Variants in KAT6B observed in about 807,000 individuals in gnomAD.
KAT6B encodes the protein lysine acetyltransferase 6B.
A neutral mutation model predicts 187.5 loss-of-function variants in KAT6B; 10 were observed. The observed-to-expected ratio is 0.05, with a 90% CI of 0.03 to 0.09. The LOEUF is 0.09. Ranked by LOEUF, KAT6B falls within the 10% of genes least tolerant of loss-of-function variation. The pLI, the probability that KAT6B is intolerant of heterozygous loss-of-function variation, is 1.00. For synonymous variants in KAT6B, 861 were observed against 926.8 expected, an observed-to-expected ratio of 0.93 and a Z score of 1.29; for missense variants, 1,952 against 2,558.9, an observed-to-expected ratio of 0.76 and a Z score of 5.12.
chr10:74,851,253 C>T (rs1842458987), intron 3 of KAT6B, among the ~76,000 whole-genome samples: 1 of 150,208 alleles, frequency 6.7e-6, no homozygotes, highest in Non-Finnish European at 1.5e-5. Flanking sequence ...GGATTACAGG[C>T]ATGTGCCACC....
intron 3 of KAT6B, among the ~76,000 whole-genome samples, chr10:74,862,049 G>C (rs1843224421): frequency 6.6e-6 from 1 of 152,106 alleles, no homozygotes; most frequent in South Asian, 2.1e-4. Flanking sequence ...AGGTTATAGT[G>C]CTAATTCCTT....
chr10:74,972,815 A>C (rs1841933171), intron 7 of KAT6B, among the ~76,000 whole-genome samples, 176 bp downstream of exon 7: 1 of 152,106 alleles, frequency 6.6e-6, no homozygotes, highest in South Asian at 2.1e-4. Flanking sequence ...AACATTTTTA[A>C]TTACCATTGG....
At chr10:75,019,764 CTT>C (rs71307707) in intron 13 of KAT6B, among the ~76,000 whole-genome samples, 8 of 129,380 alleles carry the variant, frequency 6.2e-5, no homozygotes, top group East Asian at 2.2e-4. Flanking sequence ...GGGCTGGTTT[CTT>C]TTTTTTTTTT....
intron 3 of KAT6B, among the ~76,000 whole-genome samples, chr10:74,886,672 G>A (rs984227784): frequency 6.6e-6 from 1 of 152,168 alleles, no homozygotes; most frequent in African/African-American, 2.4e-5. Context: ...GGCTGCATCT[G>A]CTCCTACTCT....
chr10:74,995,254 C>G (rs534349581), intron 13 of KAT6B, among the ~76,000 whole-genome samples: 1 of 152,298 alleles, frequency 6.6e-6, no homozygotes, highest in South Asian at 2.1e-4. Context: ...AGTCAAAACA[C>G]TGTGTTTAAA....
intron 3 of KAT6B, among the ~76,000 whole-genome samples, chr10:74,944,388 C>T (rs1455457956): frequency 1.3e-5 from 2 of 152,274 alleles, no homozygotes; most frequent in Non-Finnish European, 2.9e-5. Flanking sequence ...ATAGGTTTTT[C>T]ACTGAAAGAG....
At chr10:74,879,205 A>T (rs1844667929) in intron 3 of KAT6B, among the ~76,000 whole-genome samples, 1 of 152,202 alleles carries the variant, frequency 6.6e-6, no homozygotes, top group Admixed American at 6.5e-5. Flanking sequence ...GCATTATCTT[A>T]GTATTGTTAC....
At chr10:74,977,111 A>C in intron 8 of KAT6B, 1 of 478,360 alleles carries the variant, frequency 2.1e-6, no homozygotes, top group Non-Finnish European at 3.8e-6. Flanking sequence ...GATGACAGTG[A>C]TAAATTCAAA....
At chr10:74,957,017 G>A (rs1840736423) in intron 3 of KAT6B, among the ~76,000 whole-genome samples, 1 of 152,174 alleles carries the variant, frequency 6.6e-6, no homozygotes, top group African/African-American at 2.4e-5. Context: ...TAACTTACCT[G>A]TAGTAGATTT....
intron 3 of KAT6B, among the ~76,000 whole-genome samples, chr10:74,951,427 C>T (rs1840311107): frequency 1.4e-5 from 2 of 143,324 alleles, no homozygotes; most frequent in Admixed American, 6.7e-5. Flanking sequence ...CCACCACGCC[C>T]AGCGACCCTT....
At chr10:74,953,478 GA>G (rs1840459198) in intron 3 of KAT6B, among the ~76,000 whole-genome samples, 1 of 152,198 alleles carries the variant, frequency 6.6e-6, no homozygotes, top group African/African-American at 2.4e-5. Context: ...CACTTTTACA[GA>G]TGAGGAAACC....
Position 74,842,828 on chromosome 10 carries a change from C to G in KAT6B, c.-30C>G, listed in dbSNP as rs1024857973. On this transcript the variant is annotated 5_prime_UTR_variant, in exon 3 of 18. Coordinates refer to ENST00000287239, the MANE Select transcript of KAT6B (RefSeq NM_012330.4). ...ATACAAAGAGAACCTCTATGGGTAA[C>G]TTTTGTGTTGAAGAAGTCATTTGTC... 6.2e-7 allele frequency: 1 copy of G among 1,612,744 alleles called. No individual in the cohort carries two copies. Among genetic ancestry groups the G allele is most frequent in the Non-Finnish European group, 8.5e-7 (1 of 1,179,790 alleles).
At position 74,975,905 on chromosome 10, in the gene KAT6B, C is replaced by G. The variant is rs762233541; in HGVS notation, c.1568C>G (p.Ser523Cys). 2 of 1,614,150 alleles carry G rather than the reference C, an allele frequency of 1.2e-6. No individual in the cohort carries two copies. Among genetic ancestry groups the G allele is most frequent in the Admixed American group, 3.3e-5 (2 of 60,014 alleles). The change falls in exon 8 of 18, where the codon TCC becomes TGC. Residue 523 changes from serine to cysteine, a missense_variant. Physicochemically the swap from Ser to Cys is moderately radical, Grantham distance 112. This residue lies in a region of KAT6B where 417 missense variants were observed against 508.9 expected (regional missense o/e 0.82). Coordinates refer to ENST00000287239, the MANE Select transcript of KAT6B (RefSeq NM_012330.4). Reference sequence around the variant, plus strand: ...TCTTCTCCCTCTCCCCAGAGTTCTTCCAGCCAGTGCAGTGTGCCCTCCCTG... The same window carrying G: ...TCTTCTCCCTCTCCCCAGAGTTCTTGCAGCCAGTGCAGTGTGCCCTCCCTG... ...ATSSPSPQSS[S>C]SQCSVPSLSS...
intron 13 of KAT6B, among the ~76,000 whole-genome samples, chr10:75,013,684 A>G (rs1282300949): frequency 6.6e-6 from 1 of 152,218 alleles, no homozygotes; most frequent in East Asian, 1.9e-4. Context: ...TATTAGGATT[A>G]CTGTGATGCG....
At chr10:74,912,777 A>T (rs1004893599) in intron 3 of KAT6B, among the ~76,000 whole-genome samples, 7 of 152,182 alleles carry the variant, frequency 4.6e-5, no homozygotes, top group Admixed American at 2.0e-4. Context: ...ATTTCGTGGC[A>T]TTGCCTAACT....
intron 3 of KAT6B, among the ~76,000 whole-genome samples, chr10:74,873,072 G>A (rs1589520980): frequency 6.6e-6 from 1 of 152,182 alleles, no homozygotes; most frequent in East Asian, 1.9e-4. Context: ...ATTCACAAAA[G>A]AGAGATAAAG....
chr10:74,826,665 C>T lies in KAT6B; in HGVS notation c.-449C>T, dbSNP rs1378130089. On this transcript the variant is annotated 5_prime_UTR_variant, in exon 1 of 18. Transcript: ENST00000287239. ...ACACAAAATGGCGGCGGCTTAGCTC[C>T]TACCCCTGGCGGCGGCGGCAGCGGT... 6.5e-6 allele frequency: 1 copy of T among 153,752 alleles called. No homozygotes were observed. The highest frequency in any genetic ancestry group is 1.5e-5 in the Non-Finnish European group (1 of 68,350). 9.5% of individuals were successfully genotyped at this position (153,752 alleles called of 1,614,324 possible). A position where few individuals can be genotyped will look rare whatever the true frequency, so the allele number is the denominator to read the frequency against.
chr10:75,019,521 C>G (rs1164365810), intron 13 of KAT6B, among the ~76,000 whole-genome samples: 1 of 152,082 alleles, frequency 6.6e-6, no homozygotes, highest in African/African-American at 2.4e-5. Context: ...AAGAAAAATG[C>G]TGAAGATTTG....
chr10:74,839,231 A>ATT (rs55994102), intron 2 of KAT6B, among the ~76,000 whole-genome samples: 1 of 138,262 alleles, frequency 7.2e-6, no homozygotes. Flanking sequence ...TATGAAACAC[A>ATT]TTTTTTTTTT....
Sources: gnomAD v4.1 joint callset for allele counts (sites outside exome capture counted in the v4.1 genomes callset) on GRCh38, gnomAD v4.1.1 for gene constraint, gnomAD v4.1.1 regional missense constraint, MANE v1.5 for transcripts, NCBI Gene and HGNC (gene_info 2026-07-23, HGNC 2026-07-21) for gene names.